The following RAPGEF5 variants were observed in gnomAD, a reference collection of about 807,000 sequenced individuals.
RAPGEF5 encodes M-Ras-regulated GEF.
A neutral mutation model predicts 125.2 loss-of-function variants in RAPGEF5; 65 were observed. That is an observed-to-expected ratio of 0.52 (90% confidence interval 0.43 to 0.64). The LOEUF (loss-of-function observed/expected upper bound fraction) is 0.64, where lower values mean the gene tolerates loss of function less well. Ranked by LOEUF, RAPGEF5 falls within the 30% of genes least tolerant of loss-of-function variation. The pLI is 0.00. For synonymous variants in RAPGEF5, 391 were observed against 385.9 expected (o/e 1.01, Z -0.16); for missense variants, 958 against 1,048.1 (o/e 0.91, Z 1.19).
rs1359908394 is a variant in RAPGEF5 at position 22,193,361 on chromosome 7, C to A, written c.1204+6G>T. On this transcript the variant is annotated splice_donor_region_variant and intron_variant, in intron 11 of 25. Transcript: ENST00000665637. ...GTCTGGAAGCATGAGCTACTCAGAG[C>A]CTTACCTGTTTCTTTGTCCTGGACT... The A allele has an allele frequency of 6.3e-7, 1 of 1,577,636 alleles. No individual in the cohort carries two copies. Among genetic ancestry groups the A allele is most frequent in the Non-Finnish European group, 8.6e-7 (1 of 1,160,428 alleles).
At chr7:22,150,309 G>T in intron 18 of RAPGEF5, 98 bp downstream of exon 18, 1 of 1,226,740 alleles carries the variant, frequency 8.2e-7, no homozygotes, top group Non-Finnish European at 1.1e-6. Context: ...CTGAGCTCAA[G>T]CCATCTTCCT....
intron 7 of RAPGEF5, among the ~76,000 whole-genome samples, chr7:22,264,500 G>C (rs771207959): frequency 1.3e-5 from 2 of 152,168 alleles, no homozygotes; most frequent in Admixed American, 6.5e-5. Flanking sequence ...TGTGGGTCTT[G>C]CTTGCTCATC....
At chr7:22,233,055 G>A (rs1040211025) in intron 7 of RAPGEF5, among the ~76,000 whole-genome samples, 2 of 152,120 alleles carry the variant, frequency 1.3e-5, no homozygotes, top group African/African-American at 4.8e-5. Context: ...GCCCAGCTAG[G>A]AGGAAACTTA....
chr7:22,137,968 T>A (rs1783129232), intron 21 of RAPGEF5, among the ~76,000 whole-genome samples: 1 of 151,502 alleles, frequency 6.6e-6, no homozygotes, highest in African/African-American at 2.4e-5. Flanking sequence ...TGGACTCAGT[T>A]TATCACAGCA....
rs1257190703 is a variant in RAPGEF5 at position 22,261,377 on chromosome 7, G to A, written c.796+5587C>T. ...GAAGCCAAGGTGAGAGGATCACCAC[G>A]TACCTTGAGCTCAGGAGTTTAAGAC... On this transcript the variant is annotated intron_variant, in intron 7 of 25. Coordinates refer to ENST00000665637, the MANE Select transcript of RAPGEF5 (RefSeq NM_012294.5). Among the ~76,000 whole-genome samples, 7 of 152,114 alleles carry A rather than the reference G, an allele frequency of 4.6e-5. No homozygotes were observed. In the South Asian group the frequency reaches 6.2e-4, roughly 14 times the overall value.
chr7:22,212,349 GTC>G (rs372056315), intron 9 of RAPGEF5, among the ~76,000 whole-genome samples: 2 of 150,922 alleles, frequency 1.3e-5, no homozygotes, highest in East Asian at 3.9e-4. Context: ...TTCAGATTCT[GTC>G]TCTCTCTCTC....
At chr7:22,186,025 C>T (rs1466995782) in intron 11 of RAPGEF5, among the ~76,000 whole-genome samples, 1 of 152,054 alleles carries the variant, frequency 6.6e-6, no homozygotes, top group East Asian at 1.9e-4. Flanking sequence ...GGGGTTTTAC[C>T]ATGTTGGCCA....
chr7:22,227,543 T>G lies in RAPGEF5; in HGVS notation c.870+3303A>C, dbSNP rs1480466486. 3.9e-5 allele frequency among the ~76,000 whole-genome samples: 6 copies of G among 152,116 alleles called. No individual in the cohort carries two copies. In the East Asian group the frequency reaches 1.2e-3, roughly 29 times the overall value. Reference sequence around the variant, plus strand: ...GCAAGAATTTCCAAAGTTCAATATATTATAAATTACTCAAGGCCAAGTGTA... The same window carrying G: ...GCAAGAATTTCCAAAGTTCAATATAGTATAAATTACTCAAGGCCAAGTGTA... On this transcript the variant is annotated intron_variant, in intron 8 of 25. Coordinates refer to ENST00000665637, the MANE Select transcript of RAPGEF5 (RefSeq NM_012294.5).
intron 11 of RAPGEF5, among the ~76,000 whole-genome samples, chr7:22,190,866 C>G (rs1459880292): frequency 6.6e-6 from 1 of 152,126 alleles, no homozygotes; most frequent in African/African-American, 2.4e-5. Flanking sequence ...TCCCATGGAC[C>G]CTCTCCTCCT....
intron 5 of RAPGEF5, among the ~76,000 whole-genome samples, chr7:22,298,180 GTTT>G (rs71550471): frequency 7.3e-6 from 1 of 137,522 alleles, no homozygotes; most frequent in Admixed American, 7.2e-5. Context: ...TCTGTTTTTT[GTTT>G]TTTTTTTTTT....
At chr7:22,130,736 T>C (rs568049839) in intron 24 of RAPGEF5, among the ~76,000 whole-genome samples, 2 of 152,344 alleles carry the variant, frequency 1.3e-5, no homozygotes, top group African/African-American at 4.8e-5. Flanking sequence ...GTTTTAGCTC[T>C]GGTTCAATAA....
At chr7:22,128,777 C>T (rs936007763) in intron 24 of RAPGEF5, among the ~76,000 whole-genome samples, 4 of 152,178 alleles carry the variant, frequency 2.6e-5, no homozygotes, top group Non-Finnish European at 4.4e-5. Flanking sequence ...AATGAAGAGC[C>T]CGTGCCTGCC....
intron 24 of RAPGEF5, among the ~76,000 whole-genome samples, chr7:22,130,362 T>C (rs1041256664): frequency 5.9e-5 from 9 of 152,168 alleles, no homozygotes; most frequent in African/African-American, 2.2e-4. Context: ...ACAAAGCACC[T>C]GGGAATGCCC....
chr7:22,150,626 A>C, intron 17 of RAPGEF5, 122 bp from the exon 18 acceptor site: 2 of 1,324,816 alleles, frequency 1.5e-6, no homozygotes, highest in Non-Finnish European at 2.0e-6. Context: ...AAGTAAATAG[A>C]ACTTAAAGTG....
intron 9 of RAPGEF5, among the ~76,000 whole-genome samples, chr7:22,195,436 C>T (rs1332978853): frequency 2.0e-5 from 3 of 152,124 alleles, no homozygotes; most frequent in Non-Finnish European, 4.4e-5. Flanking sequence ...TCATTCTAAA[C>T]AGCAATATAA....
At chr7:22,309,694 G>A (rs1426946463) in intron 4 of RAPGEF5, among the ~76,000 whole-genome samples, 1 of 152,162 alleles carries the variant, frequency 6.6e-6, no homozygotes, top group African/African-American at 2.4e-5. Flanking sequence ...TTTGTAAGCA[G>A]CATATTGAGT....
intron 5 of RAPGEF5, among the ~76,000 whole-genome samples, chr7:22,298,215 T>A (rs1049890494): frequency 6.6e-6 from 1 of 151,624 alleles, no homozygotes; most frequent in African/African-American, 2.4e-5. Context: ...TTCACTCTTG[T>A]TGCCCAGGCT....
At chr7:22,341,650 T>C (rs1021281180) in intron 1 of RAPGEF5, among the ~76,000 whole-genome samples, 7 of 152,184 alleles carry the variant, frequency 4.6e-5, no homozygotes, top group African/African-American at 7.2e-5. Flanking sequence ...AATGGGAGAA[T>C]TGGCCAAAAC....
At chr7:22,183,937 C>A (rs183787334) in intron 11 of RAPGEF5, among the ~76,000 whole-genome samples, 2 of 151,696 alleles carry the variant, frequency 1.3e-5, no homozygotes, top group East Asian at 3.9e-4. Flanking sequence ...TCATTCTTTC[C>A]CCCTCATGTA....
Sources: gnomAD v4.1 joint callset for allele counts (sites outside exome capture counted in the v4.1 genomes callset) on GRCh38, gnomAD v4.1.1 for gene constraint, MANE v1.5 for transcripts, NCBI Gene and HGNC (gene_info 2026-07-23, HGNC 2026-07-21) for gene names.